Variants in ARHGAP22 observed in about 807,000 individuals in gnomAD.
ARHGAP22 encodes rho GTPase-activating protein 22.
In ARHGAP22, 48 loss-of-function variants were observed where a neutral mutation model predicts 59.1. That is an observed-to-expected ratio of 0.81 (90% confidence interval 0.64 to 1.03). The LOEUF (loss-of-function observed/expected upper bound fraction) is 1.03. Ranked by LOEUF, ARHGAP22 falls within the 50% of genes least tolerant of loss-of-function variation. The pLI, the probability that ARHGAP22 is intolerant of heterozygous loss-of-function variation, is 0.00. For missense variants in ARHGAP22, 1,015 were observed against 958.7 expected (o/e 1.06, Z -0.78); for synonymous variants, 445 against 416.4 (o/e 1.07, Z -0.84).
intron 3 of ARHGAP22, among the ~76,000 whole-genome samples, chr10:48,489,161 T>G (rs2050129168): frequency 6.6e-6 from 1 of 152,222 alleles, no homozygotes; most frequent in Admixed American, 6.5e-5. Flanking sequence ...TACTTTATCT[T>G]GTCCAGAAGT....
intron 3 of ARHGAP22, among the ~76,000 whole-genome samples, chr10:48,517,423 GT>G (rs2053394400): frequency 6.6e-6 from 1 of 152,120 alleles, no homozygotes; most frequent in Non-Finnish European, 1.5e-5. Context: ...CCCCATTTTG[GT>G]TCCAGGATTC....
At chr10:48,558,379 G>GTTTTGTTTTGTTTTT (rs2057455239) in intron 2 of ARHGAP22, among the ~76,000 whole-genome samples, 2 of 146,320 alleles carry the variant, frequency 1.4e-5, no homozygotes, top group African/African-American at 5.1e-5. Context: ...GTTTTGTTTT[G>GTTTTGTTTTGTTTTT]CTTTTTTGGG....
At chr10:48,457,310 G>A (rs1288621284) in intron 5 of ARHGAP22, among the ~76,000 whole-genome samples, 1 of 152,156 alleles carries the variant, frequency 6.6e-6, no homozygotes, top group Admixed American at 6.5e-5. Context: ...CGGGCCGCCT[G>A]CTTCACCCCA....
rs562249921 is a variant in ARHGAP22, at chr10:48,479,929, CTCTT to C, written c.323-169_323-166del. On this transcript the variant is annotated intron_variant, in intron 3 of 9. Coordinates refer to ENST00000249601, the MANE Select transcript of ARHGAP22 (RefSeq NM_021226.4). ...AGTCCATCCCTTTCACAACTCATAT[CTCTT>C]TCTTTGGAGTCTTTTCCCATTTTCT... Among the ~76,000 whole-genome samples, 104 of 152,360 alleles carry C rather than the reference CTCTT, an allele frequency of 6.8e-4. 1 individual carries two copies. The highest frequency in any genetic ancestry group is 1.8e-3 in the African/African-American group (74 of 41,580).
chr10:48,488,573 G>A (rs553688806), intron 3 of ARHGAP22, among the ~76,000 whole-genome samples: 1 of 152,320 alleles, frequency 6.6e-6, no homozygotes, highest in African/African-American at 2.4e-5. Context: ...TTTGTTAGGT[G>A]GAACCAGAGT....
At chr10:48,435,910 G>A in the ARHGAP22 span, 4 of 152,212 alleles carry the variant, frequency 2.6e-5, no homozygotes, top group African/African-American at 9.7e-5. Context: ...TATACACTGA[G>A]TTAATCTACT....
At chr10:48,548,404 T>A (rs995302412) in intron 3 of ARHGAP22, among the ~76,000 whole-genome samples, 36 of 152,332 alleles carry the variant, frequency 2.4e-4, no homozygotes, top group Non-Finnish European at 7.4e-5. Context: ...GTCTCAAGCC[T>A]GCAGCCAACC....
intron 3 of ARHGAP22, among the ~76,000 whole-genome samples, chr10:48,502,196 C>T (rs947269480): frequency 1.8e-4 from 27 of 152,186 alleles, no homozygotes; most frequent in Non-Finnish European, 1.3e-4. Flanking sequence ...TTAAAACCAG[C>T]CTCTCCCTAA....
At chr10:48,528,369 T>C (rs2054523282) in intron 3 of ARHGAP22, among the ~76,000 whole-genome samples, 1 of 152,214 alleles carries the variant, frequency 6.6e-6, no homozygotes, top group Non-Finnish European at 1.5e-5. Context: ...AGGGAGCCTA[T>C]AATGATCATT....
intron 1 of ARHGAP22, among the ~76,000 whole-genome samples, chr10:48,586,509 C>T (rs1291582991): frequency 6.6e-6 from 1 of 152,186 alleles, no homozygotes; most frequent in Admixed American, 6.5e-5. Flanking sequence ...GGGCTCCCAG[C>T]AGTGAGGTCA....
intron 1 of ARHGAP22, among the ~76,000 whole-genome samples, chr10:48,587,478 CT>C (rs769648540): frequency 1.3e-5 from 2 of 151,994 alleles, no homozygotes; most frequent in African/African-American, 4.8e-5. Context: ...AGTGCCTGGG[CT>C]TTTTTTTGTT....
At chr10:48,476,227 TC>T (rs1474581128) in intron 4 of ARHGAP22, among the ~76,000 whole-genome samples, 7 of 152,144 alleles carry the variant, frequency 4.6e-5, no homozygotes, top group Non-Finnish European at 7.4e-5. Flanking sequence ...CCAGATGAAT[TC>T]CCAAATGAGA....
chr10:48,474,359 C>T (rs11101340), intron 4 of ARHGAP22, among the ~76,000 whole-genome samples: 96,125 of 152,016 alleles, frequency 0.63, 32,768 homozygotes, highest in Non-Finnish European at 0.76. Flanking sequence ...ACTTTCTGTA[C>T]ACAAGATCAC....
intron 3 of ARHGAP22, chr10:48,524,064 C>T (rs1451932226): frequency 8.8e-6 from 13 of 1,477,294 alleles, no homozygotes; most frequent in Non-Finnish European, 1.2e-5. Flanking sequence ...TTTGGGCGCT[C>T]GCAGGTGTCC....
exon 1 of ARHGAP22, chr10:48,652,490 C>T (rs778605637): frequency 3.0e-5 from 18 of 593,186 alleles, no homozygotes; most frequent in African/African-American, 7.4e-5. Flanking sequence ...GTTCATTAAG[C>T]GTAAGTGCAT....
At chr10:48,440,368 T>C in the ARHGAP22 span, among the ~76,000 whole-genome samples, 19 of 152,188 alleles carry the variant, frequency 1.2e-4, no homozygotes, top group Non-Finnish European at 2.5e-4. Context: ...ATAAGTGACA[T>C]AGAAGTGTGC....
chr10:48,506,051 CT>C lies in ARHGAP22; in HGVS notation c.323-26288del, dbSNP rs141436218. The stretch of plus-strand genomic sequence containing the variant: ...TATCTCTCACCGACGCTCCTTCCCT[CT>C]TCACGAGGAGTTCCTGTAAGGTCAG... On this transcript the variant is annotated intron_variant, in intron 3 of 9. Coordinates refer to ENST00000249601, the MANE Select transcript of ARHGAP22 (RefSeq NM_021226.4). 8.6e-3 allele frequency among the ~76,000 whole-genome samples: 1,310 copies of C among 152,348 alleles called. 21 individuals carry two copies. The highest frequency in any genetic ancestry group is 0.03 in the African/African-American group (1,252 of 41,578).
intron 1 of ARHGAP22, among the ~76,000 whole-genome samples, chr10:48,592,667 G>C (rs1174707670): frequency 6.6e-6 from 1 of 152,142 alleles, no homozygotes; most frequent in Non-Finnish European, 1.5e-5. Flanking sequence ...ATGCACAGAA[G>C]GCCCTCATGT....
At chr10:48,531,759 C>T (rs2054873963) in intron 3 of ARHGAP22, among the ~76,000 whole-genome samples, 1 of 152,130 alleles carries the variant, frequency 6.6e-6, no homozygotes, top group South Asian at 2.1e-4. Context: ...TGGAACCCAG[C>T]CCATCTTGCT....
Sources: gnomAD v4.1 joint callset for allele counts (sites outside exome capture counted in the v4.1 genomes callset) on GRCh38, gnomAD v4.1.1 for gene constraint, MANE v1.5 for transcripts, NCBI Gene and HGNC (gene_info 2026-07-23, HGNC 2026-07-21) for gene names.